Variants in COL6A2 observed in about 807,000 individuals in gnomAD.
COL6A2 encodes the protein collagen type VI alpha 2 chain, also known as collagen alpha-2(VI) chain.
A neutral mutation model predicts 124.9 loss-of-function variants in COL6A2; 90 were observed. The ratio of observed to expected loss-of-function variants is 0.72; its 90% CI spans 0.61 to 0.86. The LOEUF is 0.86. Ranked by LOEUF, COL6A2 falls within the 40% of genes least tolerant of loss-of-function variation. COL6A2 has a pLI of 0.00. For missense variants in COL6A2, 1,607 were observed against 1,502.5 expected, an observed-to-expected ratio of 1.07 and a Z score of -1.15; for synonymous variants, 793 against 618.2, an observed-to-expected ratio of 1.28 and a Z score of -4.19.
chr21:46,130,791 G>A (rs2078750408), intron 27 of COL6A2, among the ~76,000 whole-genome samples: 1 of 152,216 alleles, frequency 6.6e-6, no homozygotes, highest in South Asian at 2.1e-4. Flanking sequence ...ATTTAAGCCG[G>A]TTCCTAGGTG....
intron 15 of COL6A2, among the ~76,000 whole-genome samples, chr21:46,120,181 C>G (rs1019609678): frequency 3.7e-5 from 4 of 109,268 alleles, no homozygotes; most frequent in African/African-American, 6.0e-5. Flanking sequence ...CCCACGTGAC[C>G]TCAGGGGTGA....
At chr21:46,121,894 C>T (rs769176281) in intron 18 of COL6A2, among the ~76,000 whole-genome samples, 1 of 145,698 alleles carries the variant, frequency 6.9e-6, no homozygotes, top group African/African-American at 2.7e-5. Context: ...GTCCTCCCCG[C>T]GTGTGGGCAG....
chr21:46,114,700 G>A (rs554178806), intron 5 of COL6A2, among the ~76,000 whole-genome samples: 1 of 152,292 alleles, frequency 6.6e-6, no homozygotes, highest in East Asian at 1.9e-4. Flanking sequence ...TACTAAATAA[G>A]CAGTTTTAGG....
intron 1 of COL6A2, among the ~76,000 whole-genome samples, chr21:46,101,732 T>C (rs1445063118): frequency 6.6e-6 from 1 of 152,194 alleles, no homozygotes; most frequent in African/African-American, 2.4e-5. Context: ...TGTTTTATTC[T>C]GTTGGTCTGT....
rs766840536 is a variant in COL6A2 at position 46,111,986 on chromosome 21, C to T, written c.123C>T (p.Thr41=). Residue 41 remains threonine, a synonymous_variant, in exon 3 of 28, where the codon ACC becomes ACT. Transcript: ENST00000300527. ...TERNNNCPEK[T]DCPIHVYFVL... ...AGGTCCTGTGCCCCACAGAGAAGAC[C>T]GACTGCCCCATCCACGTGTACTTCG... 7.4e-6 allele frequency: 12 copies of T among 1,611,680 alleles called. No homozygotes were observed. The highest frequency in any genetic ancestry group is 2.2e-5 in the East Asian group (1 of 44,876).
intron 1 of COL6A2, among the ~76,000 whole-genome samples, chr21:46,111,144 G>A (rs921002342): frequency 1.4e-4 from 21 of 152,152 alleles, no homozygotes; most frequent in African/African-American, 3.6e-4. Flanking sequence ...ATGCCGACGC[G>A]CCCAGCTACC....
rs185036029 is a variant in COL6A2, at chr21:46,121,653, G to T, written c.1521+35G>T. 10 of 1,607,652 alleles carry T rather than the reference G, an allele frequency of 6.2e-6. 1 individual carries two copies. The South Asian group carries it at 9.9e-5, about 16-fold the overall frequency. On this transcript the variant is annotated intron_variant, in intron 18 of 27. Transcript: ENST00000300527. Reference sequence around the variant, plus strand: ...CCTCCCCCAGCAGGACGTATTAGGGGTTCGGGGCAGCTGCCTGAGGAGCAG... The same window carrying T: ...CCTCCCCCAGCAGGACGTATTAGGGTTTCGGGGCAGCTGCCTGAGGAGCAG...
Position 46,122,178 on chromosome 21 carries a change from G to A in COL6A2, c.1572+20G>A. On this transcript the variant is annotated intron_variant, in intron 19 of 27. Coordinates refer to ENST00000300527, the MANE Select transcript of COL6A2 (RefSeq NM_001849.4). Reference sequence around the variant, plus strand: ...GCACCCGTGAGTCACAGCCTGGGATGGCAGCTCCCAGGAGTGGGTGGACAT... The same window carrying A: ...GCACCCGTGAGTCACAGCCTGGGATAGCAGCTCCCAGGAGTGGGTGGACAT... 1 of 1,611,682 alleles carries A rather than the reference G, an allele frequency of 6.2e-7. No homozygotes were observed. Among genetic ancestry groups the A allele is most frequent in the Admixed American group, 1.7e-5 (1 of 59,918 alleles).
At chr21:46,121,431 C>A in intron 17 of COL6A2, 125 bp from the exon 18 acceptor site, 1 of 935,936 alleles carries the variant, frequency 1.1e-6, no homozygotes, top group Non-Finnish European at 1.7e-6. Context: ...ACGGCCCCCA[C>A]AGGCAGCAGG....
intron 27 of COL6A2, among the ~76,000 whole-genome samples, chr21:46,131,480 G>A (rs980975938): frequency 3.3e-5 from 5 of 152,224 alleles, no homozygotes; most frequent in Admixed American, 6.5e-5. Flanking sequence ...GAGGGACGTG[G>A]CCCAGCCAGC....
In COL6A2 at chr21:46,129,120, A is replaced by G; in HGVS notation, c.2461+2579A>G. The stretch of plus-strand genomic sequence containing the variant: ...GCCGCTCTTCACTCTGGCCTCGCTG[A>G]GCGGCTGCCCGAGGAGGAGCTCTAG... On this transcript the variant is annotated intron_variant, in intron 27 of 27. Coordinates refer to ENST00000300527, the MANE Select transcript of COL6A2 (RefSeq NM_001849.4). 12 of 1,607,490 alleles carry G rather than the reference A, an allele frequency of 7.5e-6. No individual in the cohort carries two copies. In the South Asian group the frequency reaches 1.2e-4, roughly 16 times the overall value.
In COL6A2 at chr21:46,125,464, G is replaced by A; in HGVS notation, c.1817-1G>A. Reference sequence around the variant, plus strand: ...CCCCGATGACCCTGCCACCCCCCCAGACTGTGAGAAGCGCTGTGGCGCCCT... The same window carrying A: ...CCCCGATGACCCTGCCACCCCCCCAAACTGTGAGAAGCGCTGTGGCGCCCT... On this transcript the variant is annotated splice_acceptor_variant, in intron 24 of 27. Coordinates refer to ENST00000300527, the MANE Select transcript of COL6A2 (RefSeq NM_001849.4). LOFTEE classifies it high-confidence loss of function. The A allele has an allele frequency of 1.2e-6, 2 of 1,611,386 alleles. No homozygotes were observed. Among genetic ancestry groups the A allele is most frequent in the Non-Finnish European group, 1.7e-6 (2 of 1,178,852 alleles).
At chr21:46,099,885 CTG>C (rs2078268891) in intron 1 of COL6A2, among the ~76,000 whole-genome samples, 1 of 71,892 alleles carries the variant, frequency 1.4e-5, no homozygotes, top group Non-Finnish European at 3.5e-5. Context: ...GATAGCAGCA[CTG>C]TCTTTTTTTT....
chr21:46,128,987 T>TCC, intron 27 of COL6A2: 1 of 1,607,532 alleles, frequency 6.2e-7, no homozygotes, highest in Non-Finnish European at 8.5e-7. Context: ...GTCTCCTAGC[T>TCC]CCCTGCCAGC....
intron 16 of COL6A2, 68 bp from the exon 17 acceptor site, chr21:46,120,993 T>A: frequency 6.8e-7 from 1 of 1,464,294 alleles, no homozygotes; most frequent in Non-Finnish European, 9.6e-7. Flanking sequence ...GTCCACAGGA[T>A]TGATACTGGG....
chr21:46,130,649 T>C (rs2078748362), intron 27 of COL6A2, among the ~76,000 whole-genome samples: 1 of 152,108 alleles, frequency 6.6e-6, no homozygotes, highest in South Asian at 2.1e-4. Context: ...CAGACACTGA[T>C]GAATGGACAG....
chr21:46,103,270 C>T (rs1201424484), intron 1 of COL6A2, among the ~76,000 whole-genome samples: 3 of 152,100 alleles, frequency 2.0e-5, no homozygotes, highest in Admixed American at 1.3e-4. Context: ...AGCAATGTTG[C>T]CACTTTCACT....
rs145527336 is a variant in COL6A2 at position 46,132,277 on chromosome 21, G to A, written c.2785G>A (p.Val929Met). 1.6e-4 allele frequency: 262 copies of A among 1,606,742 alleles called. No individual in the cohort carries two copies. In the Middle Eastern group the frequency reaches 3.5e-3, roughly 21 times the overall value. ...AGVVHAINAIVRSPRGGARRH... is the reference protein window; with the variant it reads ...AGVVHAINAIMRSPRGGARRH... ...CGTGGTGCACGCCATCAATGCCATC[G>A]TGCGCAGCCCGCGTGGCGGGGCCCG... is the stretch of plus-strand genomic sequence containing the variant. The change falls in exon 28 of 28, where the codon GTG (valine) becomes ATG (methionine). Residue 929 changes from valine to methionine, a missense_variant. Val to Met is a conservative substitution (Grantham distance 21). Coordinates refer to ENST00000300527, the MANE Select transcript of COL6A2 (RefSeq NM_001849.4).
chr21:46,117,968 G>GGCA lies in COL6A2; in HGVS notation c.1116+33_1116+34insCAG, dbSNP rs749602589. On this transcript the variant is annotated intron_variant, in intron 12 of 27. Transcript: ENST00000300527. The stretch of plus-strand genomic sequence containing the variant: ...GGCCTTGTCAGGGTACGGGGCAGGC[G>GGCA]GGGTCACCAGCTTCCAGGGGCCTCC... The GGCA allele has an allele frequency of 1.1e-5, 17 of 1,599,476 alleles. No homozygotes were observed. In the Admixed American group the frequency reaches 2.9e-4, roughly 27 times the overall value.
Sources: gnomAD v4.1 joint callset for allele counts (sites outside exome capture counted in the v4.1 genomes callset) on GRCh38, gnomAD v4.1.1 for gene constraint, MANE v1.5 for transcripts, NCBI Gene and HGNC (gene_info 2026-07-23, HGNC 2026-07-21) for gene names.